Variants in TRPC4 observed in about 807,000 individuals in gnomAD.
TRPC4 encodes short transient receptor potential channel 4.
A neutral mutation model predicts 99.4 loss-of-function variants in TRPC4; 49 were observed. The ratio of observed to expected loss-of-function variants is 0.49; its 90% confidence interval spans 0.39 to 0.63. The LOEUF is 0.63. TRPC4 is among the 20% of genes least tolerant of loss of function. TRPC4 has a pLI of 0.00. For synonymous variants in TRPC4, 454 were observed against 425.9 expected (o/e 1.07, Z -0.81); for missense variants, 898 against 1,152.9 (o/e 0.78, Z 3.20).
chr13:37,641,884 G>C (rs1951723001), intron 8 of TRPC4, among the ~76,000 whole-genome samples: 1 of 152,062 alleles, frequency 6.6e-6, no homozygotes, highest in Non-Finnish European at 1.5e-5. Flanking sequence ...GTTAGTTCTT[G>C]TCCTCTTTGC....
chr13:37,743,737 C>A (rs1955660799), intron 3 of TRPC4, among the ~76,000 whole-genome samples: 1 of 152,172 alleles, frequency 6.6e-6, no homozygotes, highest in African/African-American at 2.4e-5. Flanking sequence ...TATAAATATG[C>A]AAGAAATTCA....
chr13:37,819,168 C>CA (rs1204273552), intron 1 of TRPC4, among the ~76,000 whole-genome samples: 1 of 151,440 alleles, frequency 6.6e-6, no homozygotes, highest in Non-Finnish European at 1.5e-5. Context: ...TATTAAAAAG[C>CA]AAAAAAATTA....
intron 1 of TRPC4, among the ~76,000 whole-genome samples, chr13:37,840,871 G>A (rs1344282930): frequency 6.6e-6 from 1 of 151,886 alleles, no homozygotes; most frequent in Non-Finnish European, 1.5e-5. Flanking sequence ...ATTGTTCATT[G>A]CAGAGCCAAG....
chr13:37,636,797 T>C lies in TRPC4; in HGVS notation c.*106A>G. On this transcript the variant is annotated 3_prime_UTR_variant, in exon 11 of 11. Transcript: ENST00000379705. ...GTAATATGCCACAGCTGATAAACGCTATAAAGTGTAAGTTAGCATTTGCTA... is the reference window on the plus strand; with the variant it reads ...GTAATATGCCACAGCTGATAAACGCCATAAAGTGTAAGTTAGCATTTGCTA... 7.3e-7 allele frequency: 1 copy of C among 1,378,622 alleles called. No individual in the cohort carries two copies. The highest frequency in any genetic ancestry group is 1.6e-5 in the South Asian group (1 of 64,180). The allele number at this position is 1,378,622 out of a possible 1,614,324, so 85.4% of individuals were successfully genotyped here.
intron 3 of TRPC4, among the ~76,000 whole-genome samples, chr13:37,705,334 C>T (rs894671064): frequency 6.6e-6 from 1 of 151,956 alleles, no homozygotes; most frequent in South Asian, 2.1e-4. Context: ...GGTCAAAGGG[C>T]GCATCATTTC....
At chr13:37,748,120 A>AAT (rs1955836425) in intron 2 of TRPC4, among the ~76,000 whole-genome samples, 2 of 152,104 alleles carry the variant, frequency 1.3e-5, no homozygotes, top group South Asian at 4.1e-4. Flanking sequence ...CTTATGTATT[A>AAT]TTTCTGGAAT....
intron 2 of TRPC4, among the ~76,000 whole-genome samples, chr13:37,747,628 A>C (rs1955823040): frequency 6.6e-6 from 1 of 152,220 alleles, no homozygotes; most frequent in Non-Finnish European, 1.5e-5. Flanking sequence ...ATGACACTTC[A>C]TTAATGCTAC....
chr13:37,795,071 G>A lies in TRPC4; in HGVS notation c.-27-11711C>T, dbSNP rs149286930. ...AAATAACTACTGTTATATAAAATAT[G>A]ATCTTTCTTTAGATAATATGTATTT... On this transcript the variant is annotated intron_variant, in intron 1 of 10. Transcript: ENST00000379705. Among the ~76,000 whole-genome samples the A allele has an allele frequency of 6.3e-3, 965 of 152,108 alleles. 9 individuals are homozygous for A. Among genetic ancestry groups the A allele is most frequent in the African/African-American group, 0.022 (926 of 41,524 alleles).
intron 1 of TRPC4, among the ~76,000 whole-genome samples, chr13:37,856,387 T>C (rs1226115188): frequency 7.4e-6 from 1 of 135,116 alleles, no homozygotes; most frequent in Non-Finnish European, 1.6e-5. Context: ...TAAAGTCTCC[T>C]AGTAAAAAAA....
At chr13:37,744,629 A>G (rs58569073) in intron 3 of TRPC4, among the ~76,000 whole-genome samples, 4,277 of 152,296 alleles carry the variant, frequency 0.028, 188 homozygotes, top group African/African-American at 0.097. Flanking sequence ...GAGTAGCAAC[A>G]GACAAAGCAG....
chr13:37,729,976 A>G (rs1470757970), intron 3 of TRPC4, among the ~76,000 whole-genome samples: 1 of 152,086 alleles, frequency 6.6e-6, no homozygotes, highest in African/African-American at 2.4e-5. Context: ...TAAGATAGTA[A>G]ATTTTATATT....
chr13:37,720,835 C>T (rs1204984904), intron 3 of TRPC4, among the ~76,000 whole-genome samples: 1 of 152,102 alleles, frequency 6.6e-6, no homozygotes. Context: ...TAATAATATA[C>T]AGAGACACAG....
chr13:37,667,147 C>T (rs1952671424), intron 5 of TRPC4, among the ~76,000 whole-genome samples: 1 of 152,192 alleles, frequency 6.6e-6, no homozygotes, highest in South Asian at 2.1e-4. Flanking sequence ...TCTAAAATCC[C>T]AGCATCTAAA....
intron 3 of TRPC4, among the ~76,000 whole-genome samples, chr13:37,718,723 C>G (rs553393982): frequency 6.6e-6 from 1 of 151,704 alleles, no homozygotes; most frequent in Admixed American, 6.6e-5. Flanking sequence ...GAGAAATTAT[C>G]CAATCTAAGG....
chr13:37,800,954 C>T (rs1051616142), intron 1 of TRPC4, among the ~76,000 whole-genome samples: 4 of 151,840 alleles, frequency 2.6e-5, no homozygotes, highest in East Asian at 1.9e-4. Context: ...TAAACATTTT[C>T]GATATTTCAA....
intron 2 of TRPC4, among the ~76,000 whole-genome samples, chr13:37,778,069 A>T (rs1462924360): frequency 6.6e-6 from 1 of 152,084 alleles, no homozygotes; most frequent in Non-Finnish European, 1.5e-5. Flanking sequence ...TGATAGAGAC[A>T]GTCTGAATGT....
At chr13:37,697,055 C>T (rs1007814977) in intron 3 of TRPC4, among the ~76,000 whole-genome samples, 9 of 152,064 alleles carry the variant, frequency 5.9e-5, no homozygotes, top group Admixed American at 4.6e-4. Flanking sequence ...TCTTCTGGCC[C>T]CTCTGAGCAT....
intron 5 of TRPC4, among the ~76,000 whole-genome samples, chr13:37,668,965 C>T (rs1952746085): frequency 6.6e-6 from 1 of 152,108 alleles, no homozygotes; most frequent in South Asian, 2.1e-4. Context: ...TAGCTTTCTG[C>T]CATAAAACTA....
chr13:37,807,462 G>A (rs1164119929), intron 1 of TRPC4, among the ~76,000 whole-genome samples: 1 of 151,960 alleles, frequency 6.6e-6, no homozygotes, highest in Non-Finnish European at 1.5e-5. Context: ...TAATTTAGTT[G>A]AAAATCAAGA....
Sources: gnomAD v4.1 joint callset for allele counts (sites outside exome capture counted in the v4.1 genomes callset) on GRCh38, gnomAD v4.1.1 for gene constraint, MANE v1.5 for transcripts, NCBI Gene and HGNC (gene_info 2026-07-23, HGNC 2026-07-21) for gene names.